The following PGAP1 variants were observed in gnomAD, a reference collection of about 807,000 sequenced individuals.
PGAP1 encodes GPI inositol-deacylase.
PGAP1 carries 76 observed loss-of-function variants against 127.0 expected under a neutral mutation model. The ratio of observed to expected loss-of-function variants is 0.60; its 90% CI spans 0.50 to 0.72. PGAP1 has a LOEUF of 0.72. PGAP1 is among the 30% of genes least tolerant of loss of function. PGAP1 has a pLI of 0.00. For synonymous variants in PGAP1, 362 were observed against 366.5 expected (o/e 0.99, Z 0.14); for missense variants, 982 against 1,071.3 (o/e 0.92, Z 1.16).
At chr2:196,853,712 A>C (rs1027405524) in intron 20 of PGAP1, among the ~76,000 whole-genome samples, 1 of 152,200 alleles carries the variant, frequency 6.6e-6, no homozygotes, top group South Asian at 2.1e-4. Flanking sequence ...TTCCTGTGTT[A>C]ATCTTTATTA....
At chr2:196,895,734 A>C (rs548694418) in intron 7 of PGAP1, among the ~76,000 whole-genome samples, 1 of 152,304 alleles carries the variant, frequency 6.6e-6, no homozygotes, top group East Asian at 1.9e-4. Flanking sequence ...TATCCTTCTA[A>C]GACAGTACAC....
chr2:196,921,653 A>G (rs1203337021), intron 1 of PGAP1, among the ~76,000 whole-genome samples: 1 of 152,170 alleles, frequency 6.6e-6, no homozygotes, highest in African/African-American at 2.4e-5. Flanking sequence ...CTAAAAAGAA[A>G]TATTTAATTT....
chr2:196,864,898 T>TTA (rs1417454415), intron 20 of PGAP1, 89 bp downstream of exon 20: 6 of 581,544 alleles, frequency 1.0e-5, no homozygotes, highest in African/African-American at 5.9e-5. Flanking sequence ...TATAACAGAA[T>TTA]TATATATATA....
chr2:196,913,564 A>G (rs1319812946), intron 3 of PGAP1, among the ~76,000 whole-genome samples: 1 of 152,226 alleles, frequency 6.6e-6, no homozygotes, highest in Non-Finnish European at 1.5e-5. Flanking sequence ...CCAAACATTT[A>G]TTCACTGACA....
At chr2:196,898,485 A>T in intron 5 of PGAP1, 116 bp from the exon 6 acceptor site, 1 of 600,864 alleles carries the variant, frequency 1.7e-6, no homozygotes, top group Non-Finnish European at 2.9e-6. Context: ...CTATATTGTG[A>T]GGCCTAGACA....
chr2:196,842,799 G>A lies in PGAP1; in HGVS notation c.2552C>T (p.Pro851Leu), dbSNP rs1415431789. Residue 851 changes from proline (P) to leucine (L), a missense_variant, in exon 26 of 27, where the codon CCA becomes CTA. By Grantham distance (98) the Pro-to-Leu change is moderately conservative. Transcript: ENST00000354764. ...LRYYFKLNPD[P>L]CKPLAFILIP... The stretch of plus-strand genomic sequence containing the variant: ...AAGGATAAATGCCAAAGGTTTACAT[G>A]GATCAGGATTAAGTTTAAAATAATA... 2 of 1,567,876 alleles carry A rather than the reference G, an allele frequency of 1.3e-6. No individual in the cohort carries two copies. The highest frequency in any genetic ancestry group is 2.3e-5 in the East Asian group (1 of 43,568).
In PGAP1 at chr2:196,839,920, G is replaced by A. The variant is rs1700358728; in HGVS notation, c.*1314C>T. The stretch of plus-strand genomic sequence containing the variant: ...TTGTGGAATCACTAAAACTTTAGTT[G>A]AGAGGATTTGGGCATTTACAGTCTA... On this transcript the variant is annotated 3_prime_UTR_variant, in exon 27 of 27. Transcript: ENST00000354764. 6.6e-6 allele frequency: 1 copy of A among 152,242 alleles called. No homozygotes were observed. Among genetic ancestry groups the A allele is most frequent in the Non-Finnish European group, 1.5e-5 (1 of 68,064 alleles). The allele number at this position is 152,242 out of a possible 1,614,324, so 9.4% of individuals were successfully genotyped here.
rs768633076 is a variant in PGAP1, at chr2:196,841,239, T to C, written c.2764A>G (p.Met922Val). ...ATCATTCCTTAAGTCCAATCTTACA[T>C]AAAGTTGCATAATGCATGGAGTAAA... ...PLLLHALCNFM is the reference protein window; with the variant it reads ...PLLLHALCNFV The change falls in exon 27 of 27, where the codon ATG (methionine) becomes GTG (valine). Residue 922 changes from methionine (M) to valine (V), a missense_variant. Coordinates refer to ENST00000354764, the MANE Select transcript of PGAP1 (RefSeq NM_024989.4). 3 of 1,611,562 alleles carry C rather than the reference T, an allele frequency of 1.9e-6. No individual in the cohort carries two copies. Among genetic ancestry groups the C allele is most frequent in the Admixed American group, 1.7e-5 (1 of 59,500 alleles).
At chr2:196,862,264 G>C (rs1380589182) in intron 20 of PGAP1, among the ~76,000 whole-genome samples, 3 of 152,054 alleles carry the variant, frequency 2.0e-5, no homozygotes, top group Non-Finnish European at 4.4e-5. Flanking sequence ...AGACTGTAGG[G>C]GTGAAATAGA....
intron 13 of PGAP1, 66 bp from the exon 14 acceptor site, chr2:196,875,887 G>T: frequency 2.5e-6 from 2 of 795,280 alleles, no homozygotes; most frequent in Non-Finnish European, 4.1e-6. Context: ...ATCTTTACTT[G>T]ATGTTTGAGT....
intron 4 of PGAP1, among the ~76,000 whole-genome samples, chr2:196,903,214 C>T (rs74930079): frequency 0.01 from 1,551 of 150,684 alleles, 24 homozygotes; most frequent in African/African-American, 0.036. Flanking sequence ...TATATATGTG[C>T]GGTATTTTAT....
chr2:196,896,574 A>C (rs536439496), intron 7 of PGAP1, among the ~76,000 whole-genome samples: 2 of 152,176 alleles, frequency 1.3e-5, no homozygotes, highest in Non-Finnish European at 2.9e-5. Flanking sequence ...GGCCGGGTGT[A>C]GTAGTTCACG....
intron 26 of PGAP1, among the ~76,000 whole-genome samples, chr2:196,841,662 C>T (rs928584823): frequency 8.5e-5 from 13 of 152,098 alleles, no homozygotes; most frequent in Non-Finnish European, 1.8e-4. Context: ...GGACTACAGG[C>T]GCCCGCCACC....
At position 196,849,067 on chromosome 2, in the gene PGAP1, G is replaced by A. The variant is rs115212272; in HGVS notation, c.1862-1030C>T. 8.0e-3 allele frequency among the ~76,000 whole-genome samples: 1,216 copies of A among 152,018 alleles called. 10 individuals are homozygous for A. Among genetic ancestry groups the A allele is most frequent in the African/African-American group, 0.028 (1,154 of 41,446 alleles). Reference sequence around the variant, plus strand: ...TTCAGAACTACATATTTAATTGGCTGGATACATAATCCAGTACTTAAAGCC... The same window carrying A: ...TTCAGAACTACATATTTAATTGGCTAGATACATAATCCAGTACTTAAAGCC... On this transcript the variant is annotated intron_variant, in intron 20 of 26. Coordinates refer to ENST00000354764, the MANE Select transcript of PGAP1 (RefSeq NM_024989.4).
Position 196,873,015 on chromosome 2 carries a change from TG to T in PGAP1, c.1563del (p.Ser522ValfsTer15). 1 of 926,736 alleles carries T rather than the reference TG, an allele frequency of 1.1e-6. No individual in the cohort carries two copies. The highest frequency in any genetic ancestry group is 1.7e-6 in the Non-Finnish European group (1 of 601,302). The allele number at this position is 926,736 out of a possible 1,614,324, so 57.4% of individuals were successfully genotyped here. Reference sequence around the variant, plus strand: ...CAAGGAATATGAAGTCTATAGATACTGGTTATTTCTTCTGTTAAAACATTTA... The same window carrying T: ...CAAGGAATATGAAGTCTATAGATACTGTTATTTCTTCTGTTAAAACATTTA... Reference protein sequence around the residue: ...SKCSAVKEEITSIYRLHIPWS... With the variant: ...SKCSAVKEEIXSIYRLHIPWS... On this transcript the variant is annotated frameshift_variant, in exon 17 of 27. Transcript: ENST00000354764. LOFTEE classifies it high-confidence loss of function.
rs558336095 is a variant in PGAP1 at position 196,875,773 on chromosome 2, G to A, written c.1399C>T (p.Leu467Phe). The part of the protein sequence containing the change: ...FFKKEKRYIQ[L>F]PVTHLFSFGL... ...AAGGAAAAAAGATGAGTTACAGGAA[G>A]CTGTATGTATCTTTTCTCTTTTTTA... is the stretch of plus-strand genomic sequence containing the variant. Residue 467 changes from leucine (L) to phenylalanine (F), a missense_variant, in exon 14 of 27, where the codon CTT becomes TTT. Leu to Phe is a conservative substitution (Grantham distance 22, BLOSUM62 0). Coordinates refer to ENST00000354764, the MANE Select transcript of PGAP1 (RefSeq NM_024989.4). 4.5e-6 allele frequency: 7 copies of A among 1,543,458 alleles called. No individual in the cohort carries two copies. The highest frequency in any genetic ancestry group is 5.4e-6 in the Non-Finnish European group (6 of 1,119,764).
Position 196,833,218 on chromosome 2 carries a change from A to G in PGAP1, c.*8016T>C, listed in dbSNP as rs1216159226. The G allele has an allele frequency of 3.3e-5, 5 of 152,504 alleles. No individual in the cohort carries two copies. Among genetic ancestry groups the G allele is most frequent in the Non-Finnish European group, 7.3e-5 (5 of 68,034 alleles). 9.4% of individuals were successfully genotyped at this position (152,504 alleles called of 1,614,324 possible). On this transcript the variant is annotated 3_prime_UTR_variant, in exon 27 of 27. Coordinates refer to ENST00000354764, the MANE Select transcript of PGAP1 (RefSeq NM_024989.4). ...TAAGTAGTACTTTTTGTGAATTACAATCACATAAATGTAATAATTTTAATT... is the reference window on the plus strand; with the variant it reads ...TAAGTAGTACTTTTTGTGAATTACAGTCACATAAATGTAATAATTTTAATT...
At chr2:196,890,657 T>C (rs1049455504) in intron 10 of PGAP1, among the ~76,000 whole-genome samples, 171 bp downstream of exon 10, 3 of 150,186 alleles carry the variant, frequency 2.0e-5, no homozygotes, top group African/African-American at 7.3e-5. Flanking sequence ...GTATCTGTGA[T>C]AAAAAAAAAA....
chr2:196,872,382 G>A (rs1701434192), intron 18 of PGAP1, 59 bp downstream of exon 18: 1 of 1,202,106 alleles, frequency 8.3e-7, no homozygotes, highest in Non-Finnish European at 1.2e-6. Context: ...TATATAAAAA[G>A]AACATTTCTA....
Sources: gnomAD v4.1 joint callset for allele counts (sites outside exome capture counted in the v4.1 genomes callset) on GRCh38, gnomAD v4.1.1 for gene constraint, MANE v1.5 for transcripts, NCBI Gene and HGNC (gene_info 2026-07-23, HGNC 2026-07-21) for gene names.